Variants in ARB2A observed in about 807,000 individuals in gnomAD.
ARB2A encodes the protein cotranscriptional regulator ARB2A.
At chr5:93,909,707 TC>T in the ARB2A span, among the ~76,000 whole-genome samples, 98 of 151,086 alleles carry the variant, frequency 6.5e-4, no homozygotes, top group Non-Finnish European at 3.0e-5. Flanking sequence ...GGTTTCCTTT[TC>T]CTATTAAAAT....
the ARB2A span, among the ~76,000 whole-genome samples, chr5:93,830,311 G>GTGTATGTGTGTGTATATATATA: frequency 6.9e-4 from 57 of 82,234 alleles, no homozygotes; most frequent in South Asian, 9.4e-4. Flanking sequence ...GTGTGTGTGT[G>GTGTATGTGTGTGTATATATATA]TATATATATA....
chr5:93,644,418 T>G, the ARB2A span, among the ~76,000 whole-genome samples: 238 of 152,226 alleles, frequency 1.6e-3, no homozygotes, highest in Admixed American at 3.6e-3. Flanking sequence ...TGTCATATAT[T>G]AATATTTTAC....
the ARB2A span, among the ~76,000 whole-genome samples, chr5:93,892,880 A>G: frequency 6.6e-6 from 1 of 152,164 alleles, no homozygotes; most frequent in South Asian, 2.1e-4. Context: ...TACTTAGCAT[A>G]CTTCCTCTGT....
At chr5:93,686,741 T>C in the ARB2A span, among the ~76,000 whole-genome samples, 1 of 152,148 alleles carries the variant, frequency 6.6e-6, no homozygotes. Flanking sequence ...GGCTAACAGA[T>C]TGTTGCTCCT....
the ARB2A span, among the ~76,000 whole-genome samples, chr5:93,647,695 TG>T: frequency 1.3e-5 from 2 of 151,856 alleles, no homozygotes; most frequent in Non-Finnish European, 2.9e-5. Flanking sequence ...GGCTAATTTT[TG>T]TATTTTTAGT....
the ARB2A span, among the ~76,000 whole-genome samples, chr5:93,772,006 C>T: frequency 1.1e-4 from 17 of 152,264 alleles, no homozygotes; most frequent in Admixed American, 3.9e-4. Context: ...CACATGCACA[C>T]GTATGTTTAC....
At chr5:93,841,721 T>C in the ARB2A span, among the ~76,000 whole-genome samples, 3 of 152,220 alleles carry the variant, frequency 2.0e-5, no homozygotes, top group African/African-American at 7.2e-5. Context: ...ATAACCCTGT[T>C]AAAACACATT....
chr5:93,822,403 A>C, the ARB2A span, among the ~76,000 whole-genome samples: 2 of 152,186 alleles, frequency 1.3e-5, no homozygotes, highest in Non-Finnish European at 2.9e-5. Flanking sequence ...AAAACTGTCC[A>C]AAAGGAATGT....
chr5:93,821,826 C>A, the ARB2A span, among the ~76,000 whole-genome samples: 2 of 151,612 alleles, frequency 1.3e-5, no homozygotes, highest in Non-Finnish European at 2.9e-5. Flanking sequence ...TGTATGAGGT[C>A]AGGAACCAGT....
At chr5:93,771,998 C>T in the ARB2A span, among the ~76,000 whole-genome samples, 7 of 152,328 alleles carry the variant, frequency 4.6e-5, no homozygotes, top group East Asian at 1.3e-3. Context: ...TATAAAGACA[C>T]ATGCACACGT....
chr5:93,646,219 C>G, the ARB2A span, among the ~76,000 whole-genome samples: 2 of 151,966 alleles, frequency 1.3e-5, no homozygotes, highest in African/African-American at 4.8e-5. Flanking sequence ...TAGATTTTCA[C>G]AAGGGTGAAA....
At chr5:93,872,038 TC>T in the ARB2A span, among the ~76,000 whole-genome samples, 2 of 149,818 alleles carry the variant, frequency 1.3e-5, no homozygotes, top group Admixed American at 6.7e-5. Context: ...AACCTCTGCC[TC>T]CCCGGTTCAA....
the ARB2A span, among the ~76,000 whole-genome samples, chr5:93,754,796 G>GCTTC: frequency 6.6e-6 from 1 of 151,982 alleles, no homozygotes; most frequent in African/African-American, 2.4e-5. Flanking sequence ...CAGCTTTATT[G>GCTTC]CTTCCATATT....
the ARB2A span, among the ~76,000 whole-genome samples, chr5:93,914,555 G>T: frequency 1.3e-5 from 2 of 151,862 alleles, no homozygotes; most frequent in African/African-American, 4.8e-5. Flanking sequence ...CATTTGGATG[G>T]TCTAAGTAAA....
chr5:93,795,326 G>C, the ARB2A span, among the ~76,000 whole-genome samples: 5 of 152,192 alleles, frequency 3.3e-5, no homozygotes, highest in Non-Finnish European at 5.9e-5. Context: ...ACAGCACCGA[G>C]TCTATTTCTA....
chr5:93,759,207 G>A, the ARB2A span, among the ~76,000 whole-genome samples: 1 of 152,118 alleles, frequency 6.6e-6, no homozygotes, highest in South Asian at 2.1e-4. Context: ...GGAAGAATTA[G>A]ATACCCTGAA....
chr5:93,944,464 C>T, the ARB2A span, among the ~76,000 whole-genome samples: 5 of 151,922 alleles, frequency 3.3e-5, no homozygotes, highest in African/African-American at 1.2e-4. Context: ...TGTGCCTATA[C>T]TCTCAACTAC....
At chr5:93,830,311 G>GTGTATGTGTGTGTGTATATATATA in the ARB2A span, among the ~76,000 whole-genome samples, 2 of 82,264 alleles carry the variant, frequency 2.4e-5, no homozygotes, top group Admixed American at 1.3e-4. Flanking sequence ...GTGTGTGTGT[G>GTGTATGTGTGTGTGTATATATATA]TATATATATA....
the ARB2A span, among the ~76,000 whole-genome samples, chr5:93,986,490 C>T: frequency 6.6e-6 from 1 of 152,216 alleles, no homozygotes; most frequent in African/African-American, 2.4e-5. Flanking sequence ...AGGAGCCCCT[C>T]TGCCCGGCTG....
Sources: allele counts gnomAD v4.1 joint callset (sites outside exome capture counted in the v4.1 genomes callset), GRCh38; gene constraint gnomAD v4.1.1; transcripts MANE v1.5; gene names NCBI Gene and HGNC (gene_info 2026-07-23, HGNC 2026-07-21).